The following GPR101 variants were observed in gnomAD, a reference collection of about 807,000 sequenced individuals.
The protein encoded by GPR101 is probable G protein-coupled receptor 101.
Under a neutral mutation model 16.4 loss-of-function variants are expected in GPR101, and 8 were observed. The ratio of observed to expected loss-of-function variants is 0.49; its 90% CI spans 0.29 to 0.88. The LOEUF is 0.88. GPR101 is among the 40% of genes least tolerant of loss of function. The pLI is 0.09. For synonymous variants in GPR101, 155 were observed against 168.7 expected (o/e 0.92, Z 0.63); for missense variants, 375 against 411.7 (o/e 0.91, Z 0.77).
At chrX:137,032,478 T>C (rs983032496) in intron 1 of GPR101, among the ~76,000 whole-genome samples, 3 of 110,983 alleles carry the variant, frequency 2.7e-5, no homozygotes, top group Admixed American at 9.5e-5. Context: ...CTAGTTCATG[T>C]GTGTCTCCGT....
At position 137,030,173 on chromosome X, in the gene GPR101, G is replaced by A. The variant is rs773789522; in HGVS notation, c.1502C>T (p.Ser501Phe). Residue 501 changes from serine (S) to phenylalanine (F), a missense_variant, in exon 2 of 2, where the codon TCC becomes TTC. By Grantham distance (155) the Ser-to-Phe change is radical. Coordinates refer to ENST00000651716, the MANE Select transcript of GPR101 (RefSeq NM_054021.2). ...TCAAGGAAAAGTAGCAGAATCGTAG[G>A]AAGGGACAATCTTGCCTTCAGTCCC... The part of the protein sequence containing the change: ...EGGTEGKIVP[S>F]YDSATFP The A allele has an allele frequency of 1.1e-5, 13 of 1,186,916 alleles. No homozygotes were observed. In the East Asian group the frequency reaches 3.9e-4, roughly 35 times the overall value.
intron 1 of GPR101, among the ~76,000 whole-genome samples, 175 bp downstream of exon 1, chrX:137,033,627 C>T (rs1039193716): frequency 1.2e-4 from 13 of 111,750 alleles, no homozygotes; most frequent in African/African-American, 4.2e-4. Context: ...AGAGAGAAAA[C>T]GCGAGGGCGG....
chrX:137,031,472 C>A lies in GPR101; in HGVS notation c.203G>T (p.Arg68Leu). The change falls in exon 2 of 2, where the codon CGT becomes CTT. Residue 68 changes from arginine (R) to leucine (L), a missense_variant. By Grantham distance (102) the Arg-to-Leu change is moderately radical. Transcript: ENST00000651716. ...GGTGACGAGGAGGTTAAAGATAAAA[C>A]GGTTGGTCACCTGCAGCAGCTGCGG... ...RKPQLLQVTN[R>L]FIFNLLVTDL... is the part of the protein sequence containing the mutation. 8.3e-7 allele frequency: 1 copy of A among 1,197,883 alleles called. No individual in the cohort carries two copies.
In GPR101 at chrX:137,033,883, G is replaced by A. The variant is rs1264802618; in HGVS notation, c.-174C>T. On this transcript the variant is annotated 5_prime_UTR_variant, in exon 1 of 2. Coordinates refer to ENST00000651716, the MANE Select transcript of GPR101 (RefSeq NM_054021.2). ...CTCGCGCTCGTCCCGGCCGCCTCTC[G>A]GGGCTCGGGCGGCTGCGAGCTGGCA... 1.8e-5 allele frequency among the ~76,000 whole-genome samples: 2 copies of A among 112,096 alleles called. No individual in the cohort carries two copies. The highest frequency in any genetic ancestry group is 6.4e-5 in the African/African-American group (2 of 31,050).
In GPR101 at chrX:137,024,863, G is replaced by T. The variant is rs142530857; in HGVS notation, c.*5285C>A. Among the ~76,000 whole-genome samples, 845 of 111,950 alleles carry T rather than the reference G, an allele frequency of 7.5e-3. 14 individuals carry two copies. Among genetic ancestry groups the T allele is most frequent in the African/African-American group, 0.026 (797 of 30,803 alleles). On this transcript the variant is annotated 3_prime_UTR_variant, in exon 2 of 2. Transcript: ENST00000651716. ...TCAGTTCACGGTCAGGTGTTGGTTG[G>T]GTCTTCAGGGTGCAGTATTCTTTTC...
rs1286006388 is a variant in GPR101, at chrX:137,028,454, T to C, written c.*1694A>G. Among the ~76,000 whole-genome samples the C allele has an allele frequency of 8.9e-6, 1 of 112,192 alleles. No homozygotes were observed. Reference sequence around the variant, plus strand: ...TATTTAAATGAAACTTGAGTTCTAATAAAGGCATGACAATCACACAAGAAT... The same window carrying C: ...TATTTAAATGAAACTTGAGTTCTAACAAAGGCATGACAATCACACAAGAAT... On this transcript the variant is annotated 3_prime_UTR_variant, in exon 2 of 2. Coordinates refer to ENST00000651716, the MANE Select transcript of GPR101 (RefSeq NM_054021.2).
In GPR101 at chrX:137,031,027, G is replaced by C. The variant is rs748195497; in HGVS notation, c.648C>G (p.Phe216Leu). 7 of 1,212,181 alleles carry C rather than the reference G, an allele frequency of 5.8e-6. No individual in the cohort carries two copies. The South Asian group carries it at 1.2e-4, about 21-fold the overall frequency. Residue 216 changes from phenylalanine to leucine, a missense_variant, in exon 2 of 2, where the codon TTC (phenylalanine) becomes TTG (leucine). Phe to Leu is a conservative substitution (Grantham distance 22). Coordinates refer to ENST00000651716, the MANE Select transcript of GPR101 (RefSeq NM_054021.2). Reference protein sequence around the residue: ...IVMIACYSVVFCAARRQHALL... With the variant: ...IVMIACYSVVLCAARRQHALL... ...GAGCATGCTGCCTCCGGGCTGCACA[G>C]AACACCACGGAGTAGCAGGCAATCA...
rs147962218 is a variant in GPR101 at position 137,030,320 on chromosome X, T to C, written c.1355A>G (p.Tyr452Cys). 8.3e-6 allele frequency: 10 copies of C among 1,209,096 alleles called. No homozygotes were observed. The highest frequency in any genetic ancestry group is 1.8e-5 in the South Asian group (1 of 56,524). ...LFFLQCCIHPYVYGYMHKTIK... is the reference protein window; with the variant it reads ...LFFLQCCIHPCVYGYMHKTIK... ...GGTCTTGTGCATGTAGCCATAGACA[T>C]AGGGGTGGATGCAGCACTGCAGGAA... Residue 452 changes from tyrosine (Y) to cysteine (C), a missense_variant, in exon 2 of 2, where the codon TAT (tyrosine) becomes TGT (cysteine). Transcript: ENST00000651716.
In GPR101 at chrX:137,031,623, A is replaced by G; in HGVS notation, c.52T>C (p.Cys18Arg). ...STRESNSSHT[C>R]MPLSKMPISL... Reference sequence around the variant, plus strand: ...ATGGGCATTTTGGAGAGGGGCATGCACGTGTGGCTGCTGTTACTCTCGCGC... The same window carrying G: ...ATGGGCATTTTGGAGAGGGGCATGCGCGTGTGGCTGCTGTTACTCTCGCGC... The change falls in exon 2 of 2, where the codon TGC becomes CGC. Residue 18 changes from cysteine to arginine, a missense_variant. Physicochemically the swap from Cys to Arg is radical, Grantham distance 180. Coordinates refer to ENST00000651716, the MANE Select transcript of GPR101 (RefSeq NM_054021.2). The G allele has an allele frequency of 8.3e-7, 1 of 1,201,657 alleles. No individual in the cohort carries two copies. Among genetic ancestry groups the G allele is most frequent in the Non-Finnish European group, 1.1e-6 (1 of 890,099 alleles).
intron 1 of GPR101, among the ~76,000 whole-genome samples, chrX:137,033,290 G>T (rs1927303444): frequency 9.2e-6 from 1 of 109,181 alleles, no homozygotes; most frequent in Admixed American, 9.9e-5. Context: ...AAGAGGCAGG[G>T]GTGCAGGGTG....
rs181898846 is a variant in GPR101, at chrX:137,029,923, G to T, written c.*225C>A. Among the ~76,000 whole-genome samples, 85 of 112,009 alleles carry T rather than the reference G, an allele frequency of 7.6e-4. No homozygotes were observed. Among genetic ancestry groups the T allele is most frequent in the Non-Finnish European group, 1.2e-3 (66 of 53,160 alleles). On this transcript the variant is annotated 3_prime_UTR_variant, in exon 2 of 2. Coordinates refer to ENST00000651716, the MANE Select transcript of GPR101 (RefSeq NM_054021.2). Reference sequence around the variant, plus strand: ...AGAAATGTAGAGCCTAATAATCTTTGGGGGGAAAATTTCAGTCAGAATCCT... The same window carrying T: ...AGAAATGTAGAGCCTAATAATCTTTTGGGGGAAAATTTCAGTCAGAATCCT...
In GPR101 at chrX:137,030,238, CG is replaced by C; in HGVS notation, c.1436del (p.Pro479ArgfsTer79). ...LKKFFCKEKP[P>X]KEDSHPDLPG... Reference sequence around the variant, plus strand: ...GCAGGTCTGGGTGGCTATCTTCTTTCGGGGGCTTTTCCTTGCAGAAGAACTT... The same window carrying C: ...GCAGGTCTGGGTGGCTATCTTCTTTCGGGGCTTTTCCTTGCAGAAGAACTT... On this transcript the variant is annotated frameshift_variant, in exon 2 of 2. Transcript: ENST00000651716. LOFTEE classifies it high-confidence loss of function. 1 of 1,210,948 alleles carries C rather than the reference CG, an allele frequency of 8.3e-7. No homozygotes were observed. The highest frequency in any genetic ancestry group is 1.8e-5 in the South Asian group (1 of 56,725).
rs1322078043 is a variant in GPR101, at chrX:137,024,576, T to C, written c.*5572A>G. ...GTTGTAATATTTTGTTCTGAAAATA[T>C]AACAAAATCATCTTATAGTTTTCTT... On this transcript the variant is annotated 3_prime_UTR_variant, in exon 2 of 2. Transcript: ENST00000651716. Among the ~76,000 whole-genome samples, 1 of 111,805 alleles carries C rather than the reference T, an allele frequency of 8.9e-6. No individual in the cohort carries two copies. The highest frequency in any genetic ancestry group is 1.9e-5 in the Non-Finnish European group (1 of 53,210).
Position 137,026,022 on chromosome X carries a change from A to G in GPR101, c.*4126T>C, listed in dbSNP as rs1474725813. Among the ~76,000 whole-genome samples the G allele has an allele frequency of 8.9e-6, 1 of 112,189 alleles. No homozygotes were observed. The highest frequency in any genetic ancestry group is 3.2e-5 in the African/African-American group (1 of 30,851). ...AGAGGGGCTTTGAGGGGCCGAGAGCACTAGTCCAGCCCATGGAAAGTAAGA... is the reference window on the plus strand; with the variant it reads ...AGAGGGGCTTTGAGGGGCCGAGAGCGCTAGTCCAGCCCATGGAAAGTAAGA... On this transcript the variant is annotated 3_prime_UTR_variant, in exon 2 of 2. Coordinates refer to ENST00000651716, the MANE Select transcript of GPR101 (RefSeq NM_054021.2).
intron 1 of GPR101, among the ~76,000 whole-genome samples, chrX:137,032,798 C>G (rs1927293348): frequency 9.1e-6 from 1 of 109,795 alleles, no homozygotes; most frequent in African/African-American, 3.3e-5. Context: ...CCATTGATCT[C>G]TAACACTCTA....
chrX:137,033,107 A>G (rs760417942), intron 1 of GPR101, among the ~76,000 whole-genome samples: 63 of 111,064 alleles, frequency 5.7e-4, no homozygotes, highest in African/African-American at 2.0e-3. Context: ...TTAGTTTATC[A>G]GCAGTGCAAT....
chrX:137,033,383 A>G (rs1022698373), intron 1 of GPR101, among the ~76,000 whole-genome samples: 8 of 109,420 alleles, frequency 7.3e-5, no homozygotes, highest in African/African-American at 2.3e-4. Context: ...AAAGAATGAG[A>G]TACATACAGA....
rs1927218215 is a variant in GPR101, at chrX:137,029,558, CCTTCTTG to C, written c.*583_*589del. 3.6e-5 allele frequency among the ~76,000 whole-genome samples: 4 copies of C among 111,888 alleles called. No individual in the cohort carries two copies. Among genetic ancestry groups the C allele is most frequent in the Non-Finnish European group, 7.5e-5 (4 of 53,191 alleles). ...TGGATCCCTTTAGGGGATCTAGAAA[CCTTCTTG>C]AGATTCTAACTGTAGGAGGCCCTTT... On this transcript the variant is annotated 3_prime_UTR_variant, in exon 2 of 2. Coordinates refer to ENST00000651716, the MANE Select transcript of GPR101 (RefSeq NM_054021.2).
Position 137,031,450 on chromosome X carries a change from G to T in GPR101, c.225C>A (p.Val75=). Reference sequence around the variant, plus strand: ...CGAGCGAAATCTGCAGCAGGTCGGTGACGAGGAGGTTAAAGATAAAACGGT... The same window carrying T: ...CGAGCGAAATCTGCAGCAGGTCGGTTACGAGGAGGTTAAAGATAAAACGGT... ...VTNRFIFNLL[V]TDLLQISLVA... Residue 75 remains valine, a synonymous_variant, in exon 2 of 2, where the codon GTC becomes GTA. Transcript: ENST00000651716. 1 of 1,192,230 alleles carries T rather than the reference G, an allele frequency of 8.4e-7. No individual in the cohort carries two copies. Among genetic ancestry groups the T allele is most frequent in the East Asian group, 3.0e-5 (1 of 33,677 alleles).
Sources: gnomAD v4.1 joint callset for allele counts (sites outside exome capture counted in the v4.1 genomes callset) on GRCh38, gnomAD v4.1.1 for gene constraint, MANE v1.5 for transcripts, NCBI Gene and HGNC (gene_info 2026-07-23, HGNC 2026-07-21) for gene names.